The following CPNE4 variants were observed in gnomAD, a reference collection of about 807,000 sequenced individuals.
CPNE4 encodes copine 4.
In CPNE4, 25 loss-of-function variants were observed where a neutral mutation model predicts 67.9. The ratio of observed to expected loss-of-function variants is 0.37; its 90% CI spans 0.27 to 0.51. The LOEUF is 0.51. CPNE4 is among the 20% of genes least tolerant of loss of function. The pLI is 0.93. For synonymous variants in CPNE4, 242 were observed against 244.9 expected, an observed-to-expected ratio of 0.99 and a Z score of 0.11; for missense variants, 464 against 690.8, an observed-to-expected ratio of 0.67 and a Z score of 3.68.
At chr3:131,875,172 T>A (rs561413399) in intron 2 of CPNE4, among the ~76,000 whole-genome samples, 6 of 152,180 alleles carry the variant, frequency 3.9e-5, no homozygotes, top group Non-Finnish European at 7.3e-5. Context: ...GTTTTCTTTA[T>A]AGCATGAGGC....
chr3:131,543,743 A>C (rs769665823), intron 14 of CPNE4, among the ~76,000 whole-genome samples: 2 of 152,184 alleles, frequency 1.3e-5, no homozygotes, highest in Non-Finnish European at 2.9e-5. Context: ...TTATATTTCC[A>C]CTGGATGGCA....
At chr3:131,659,179 C>A (rs1047076889) in intron 7 of CPNE4, among the ~76,000 whole-genome samples, 8 of 152,178 alleles carry the variant, frequency 5.3e-5, no homozygotes, top group Admixed American at 5.2e-4. Context: ...ACCAGCATAA[C>A]CAGTGTTACC....
At chr3:131,695,926 G>A (rs957619961) in intron 5 of CPNE4, among the ~76,000 whole-genome samples, 1 of 152,174 alleles carries the variant, frequency 6.6e-6, no homozygotes, top group African/African-American at 2.4e-5. Flanking sequence ...TTTTTTAGAT[G>A]TATGTTTTAC....
chr3:131,535,158 A>C lies in CPNE4; in HGVS notation c.*37T>G. On this transcript the variant is annotated 3_prime_UTR_variant, in exon 16 of 16. Transcript: ENST00000429747. ...TATTAAATATGAAATATTAGCAGGA[A>C]TAGTATTTCAGAACTCTGTAAAACT... The C allele has an allele frequency of 6.5e-7, 1 of 1,548,488 alleles. No individual in the cohort carries two copies. Among genetic ancestry groups the C allele is most frequent in the Non-Finnish European group, 8.7e-7 (1 of 1,144,186 alleles).
chr3:132,001,618 A>AGAAAGAAAGAAAG (rs1583582283), intron 1 of CPNE4, among the ~76,000 whole-genome samples: 1 of 151,346 alleles, frequency 6.6e-6, no homozygotes, highest in Non-Finnish European at 1.5e-5. Context: ...AAAGAAAGAA[A>AGAAAGAAAGAAAG]ATGAAGAGGA....
At position 131,703,056 on chromosome 3, in the gene CPNE4, G is replaced by A. The variant is rs73871393; in HGVS notation, c.361-3076C>T. 6.1e-3 allele frequency among the ~76,000 whole-genome samples: 924 copies of A among 152,228 alleles called. 8 individuals carry two copies. The highest frequency in any genetic ancestry group is 0.022 in the African/African-American group (895 of 41,538). ...TGATGTTGCTATTCTCAGGACAGTT[G>A]GGCAAAAATAGCAAAGAAGCCCAAC... On this transcript the variant is annotated intron_variant, in intron 3 of 15. Transcript: ENST00000429747.
At chr3:131,642,964 A>G (rs2079574885) in intron 7 of CPNE4, among the ~76,000 whole-genome samples, 3 of 152,216 alleles carry the variant, frequency 2.0e-5, no homozygotes, top group Non-Finnish European at 4.4e-5. Context: ...AAAATGTGGA[A>G]GCAGCTTTGG....
At chr3:131,649,892 G>A (rs1389966579) in intron 7 of CPNE4, among the ~76,000 whole-genome samples, 1 of 152,204 alleles carries the variant, frequency 6.6e-6, no homozygotes, top group East Asian at 1.9e-4. Flanking sequence ...CACCGTGGCT[G>A]CGTTGTGTGC....
intron 1 of CPNE4, among the ~76,000 whole-genome samples, chr3:131,957,820 C>T (rs138803136): frequency 3.3e-5 from 5 of 152,154 alleles, no homozygotes; most frequent in African/African-American, 4.8e-5. Flanking sequence ...AGAAAGTGAA[C>T]GAGACGCAGA....
Position 131,935,603 on chromosome 3 carries a change from G to C in CPNE4, c.-1-30159C>G, listed in dbSNP as rs532716134. 7.9e-5 allele frequency among the ~76,000 whole-genome samples: 12 copies of C among 152,246 alleles called. No individual in the cohort carries two copies. In the South Asian group the frequency reaches 2.3e-3, roughly 29 times the overall value. On this transcript the variant is annotated intron_variant, in intron 1 of 15. Transcript: ENST00000429747. Reference sequence around the variant, plus strand: ...TGAAACATTTTCTAGGATAATAGCAGAAGGCAAGGGGCTAAGTAAGACTGA... The same window carrying C: ...TGAAACATTTTCTAGGATAATAGCACAAGGCAAGGGGCTAAGTAAGACTGA...
chr3:131,584,673 C>T (rs759281308), intron 8 of CPNE4, among the ~76,000 whole-genome samples: 2 of 152,148 alleles, frequency 1.3e-5, no homozygotes, highest in Non-Finnish European at 2.9e-5. Flanking sequence ...CTAGCTAGAA[C>T]ACTTTGCAGC....
chr3:131,976,744 A>G (rs1266820883), intron 1 of CPNE4, among the ~76,000 whole-genome samples: 1 of 152,216 alleles, frequency 6.6e-6, no homozygotes, highest in Admixed American at 6.5e-5. Context: ...GTTAACACTA[A>G]AAACACCAAA....
intron 10 of CPNE4, among the ~76,000 whole-genome samples, chr3:131,572,154 C>A (rs17357853): frequency 0.053 from 8,074 of 152,130 alleles, 274 homozygotes; most frequent in Non-Finnish European, 0.085. Context: ...GAAGCACCAG[C>A]ATCTATGGAA....
At chr3:131,721,828 G>A (rs2081895640) in intron 3 of CPNE4, among the ~76,000 whole-genome samples, 1 of 152,132 alleles carries the variant, frequency 6.6e-6, no homozygotes, top group African/African-American at 2.4e-5. Context: ...AATAGAAACA[G>A]GATTTCATCT....
upstream of CPNE4, chr3:132,035,112 G>A (rs1027866095): frequency 5.2e-6 from 5 of 965,686 alleles, no homozygotes; most frequent in Middle Eastern, 5.3e-4. Context: ...ATTGCCCCGG[G>A]AACCCGAGCT....
intron 2 of CPNE4, among the ~76,000 whole-genome samples, chr3:131,851,809 A>T (rs563093144): frequency 1.8e-4 from 28 of 152,254 alleles, no homozygotes; most frequent in African/African-American, 5.5e-4. Context: ...TATACATAAA[A>T]GGGGTCTTTT....
At chr3:131,728,836 G>A (rs934967595) in intron 2 of CPNE4, among the ~76,000 whole-genome samples, 3 of 150,166 alleles carry the variant, frequency 2.0e-5, no homozygotes, top group African/African-American at 7.4e-5. Flanking sequence ...CGTGAACCCG[G>A]GAGGCGGAGC....
intron 7 of CPNE4, among the ~76,000 whole-genome samples, chr3:131,615,976 C>T (rs564261113): frequency 4.0e-5 from 6 of 150,968 alleles, no homozygotes; most frequent in South Asian, 2.1e-4. Context: ...ACTCCACCCC[C>T]GCCACAGCCC....
rs569067786 is a variant in CPNE4, at chr3:131,597,676, A to C, written c.682-10094T>G. ...TTGGCTTTAAAATTTTTATTTTTTT[A>C]TGTCACAACTTATCATTTTTCCAGG... On this transcript the variant is annotated intron_variant, in intron 7 of 15. Coordinates refer to ENST00000429747, the MANE Select transcript of CPNE4 (RefSeq NM_130808.3). Among the ~76,000 whole-genome samples the C allele has an allele frequency of 1.5e-4, 23 of 152,314 alleles. No individual in the cohort carries two copies. In the South Asian group the frequency reaches 4.8e-3, roughly 32 times the overall value.
Sources: allele counts gnomAD v4.1 joint callset (sites outside exome capture counted in the v4.1 genomes callset), GRCh38; gene constraint gnomAD v4.1.1; transcripts MANE v1.5; gene names NCBI Gene and HGNC (gene_info 2026-07-23, HGNC 2026-07-21).